SLC18A2: variants seen among roughly 807,000 people sequenced by gnomAD.
SLC18A2 encodes synaptic vesicular amine transporter.
A neutral mutation model predicts 59.2 loss-of-function variants in SLC18A2; 33 were observed. That is an observed-to-expected ratio of 0.56 (90% CI 0.42 to 0.75). The LOEUF (loss-of-function observed/expected upper bound fraction) is 0.75. Among genes scored for constraint, SLC18A2 ranks in the 30% least tolerant of loss-of-function variants. The probability of loss-of-function intolerance (pLI) is 0.00; values close to 1 mark genes in which losing one functional copy is unlikely to be tolerated. For synonymous variants in SLC18A2, 228 were observed against 253.5 expected (o/e 0.90, Z 0.95); for missense variants, 569 against 668.6 (o/e 0.85, Z 1.64).
At chr10:117,248,009 G>C (rs1164753070) in intron 3 of SLC18A2, among the ~76,000 whole-genome samples, 1 of 152,032 alleles carries the variant, frequency 6.6e-6, no homozygotes, top group Non-Finnish European at 1.5e-5. Flanking sequence ...TTGCTCTATT[G>C]CCCAGGCTGG....
At chr10:117,249,043 A>T (rs1160554730) in intron 3 of SLC18A2, among the ~76,000 whole-genome samples, 1 of 152,218 alleles carries the variant, frequency 6.6e-6, no homozygotes, top group Admixed American at 6.5e-5. Context: ...TGAAATCTCT[A>T]CGAAATCTAC....
intron 2 of SLC18A2, 110 bp downstream of exon 2, chr10:117,241,924 T>C (rs1844060356): frequency 8.7e-7 from 1 of 1,144,482 alleles, no homozygotes; most frequent in Non-Finnish European, 1.2e-6. Context: ...CCCGGGAAAG[T>C]TGGAGAACTC....
At chr10:117,275,564 T>C (rs1254118325) in intron 15 of SLC18A2, among the ~76,000 whole-genome samples, 2 of 152,210 alleles carry the variant, frequency 1.3e-5, no homozygotes, top group African/African-American at 4.8e-5. Context: ...CTCATCTAAC[T>C]ACCACGGAGT....
intron 3 of SLC18A2, among the ~76,000 whole-genome samples, chr10:117,247,080 T>G (rs1844117519): frequency 6.6e-6 from 1 of 152,230 alleles, no homozygotes; most frequent in Non-Finnish European, 1.5e-5. Context: ...CCCACCGCAG[T>G]TCAGATGGAT....
intron 12 of SLC18A2, 37 bp downstream of exon 12, chr10:117,267,072 CTG>C: frequency 1.3e-6 from 2 of 1,527,798 alleles, no homozygotes; most frequent in Non-Finnish European, 1.8e-6. Flanking sequence ...TGGGAACAAT[CTG>C]TGAATAAAAC....
Position 117,269,923 on chromosome 10 carries a change from A to T in SLC18A2, c.1187-148A>T. On this transcript the variant is annotated intron_variant, in intron 13 of 15. Transcript: ENST00000644641. This position sits in a 1 kb window ranked among gnomAD's most constrained non-coding sequence, Gnocchi z 5.1. ...GGCTTCCTTCATTCTTTCTACTCAA[A>T]GATTAGTATCACCCCAAGACTTGCA... The T allele has an allele frequency of 1.1e-6, 1 of 902,794 alleles. No homozygotes were observed. Among genetic ancestry groups the T allele is most frequent in the Non-Finnish European group, 1.7e-6 (1 of 604,012 alleles). 55.9% of individuals were successfully genotyped at this position (902,794 alleles called of 1,614,324 possible). A position where few individuals can be genotyped will look rare whatever the true frequency, so the allele number is the denominator to read the frequency against.
rs560089415 is a variant in SLC18A2 at position 117,258,106 on chromosome 10, C to T, written c.991+214C>T. Among the ~76,000 whole-genome samples the T allele has an allele frequency of 2.6e-5, 4 of 152,292 alleles. No homozygotes were observed. In the East Asian group the frequency reaches 7.7e-4, roughly 29 times the overall value. Reference sequence around the variant, plus strand: ...GAGGGGTGCAGAACTCACACAGACACATCAGATCTGGGCAGAAATGAGAGT... The same window carrying T: ...GAGGGGTGCAGAACTCACACAGACATATCAGATCTGGGCAGAAATGAGAGT... On this transcript the variant is annotated intron_variant, in intron 10 of 15. Transcript: ENST00000644641.
At position 117,259,321 on chromosome 10, in the gene SLC18A2, A is replaced by G. The variant is rs957561398; in HGVS notation, c.991+1429A>G. On this transcript the variant is annotated intron_variant, in intron 10 of 15. Transcript: ENST00000644641. Reference sequence around the variant, plus strand: ...TCTGGCAAAGATGAAAAATTCTCCAATTGCAGTCAAGTGTTGGCAAACCTG... The same window carrying G: ...TCTGGCAAAGATGAAAAATTCTCCAGTTGCAGTCAAGTGTTGGCAAACCTG... 9.8e-5 allele frequency among the ~76,000 whole-genome samples: 15 copies of G among 152,344 alleles called. No homozygotes were observed. The Middle Eastern group carries it at 0.01, about 104-fold the overall frequency.
At chr10:117,255,433 C>T (rs780161253) in intron 7 of SLC18A2, 46 bp from the exon 8 acceptor site, 1 of 1,614,190 alleles carries the variant, frequency 6.2e-7, no homozygotes, top group Non-Finnish European at 8.5e-7. Context: ...TTGGGCCACA[C>T]CTGCTTTCTG....
chr10:117,272,685 T>C (rs1844440692), intron 15 of SLC18A2, among the ~76,000 whole-genome samples: 1 of 152,194 alleles, frequency 6.6e-6, no homozygotes, highest in East Asian at 1.9e-4. Flanking sequence ...AATAAGCACC[T>C]AGCAAGATAA....
At chr10:117,254,248 A>G in intron 5 of SLC18A2, 117 bp downstream of exon 5, 1 of 1,195,666 alleles carries the variant, frequency 8.4e-7, no homozygotes, top group Admixed American at 1.9e-5. Flanking sequence ...TGGAGAAGGC[A>G]CCCACTTTCC....
chr10:117,241,623 G>C, intron 1 of SLC18A2, 56 bp from the exon 2 acceptor site: 2 of 1,476,940 alleles, frequency 1.4e-6, no homozygotes, highest in South Asian at 1.3e-5. Flanking sequence ...CCTGGGGGAC[G>C]GGAGAATGGG....
chr10:117,247,048 T>G (rs1844117196), intron 3 of SLC18A2, among the ~76,000 whole-genome samples: 1 of 152,248 alleles, frequency 6.6e-6, no homozygotes, highest in Non-Finnish European at 1.5e-5. Flanking sequence ...GCAGCTCTTC[T>G]GGACACTCCA....
At chr10:117,246,392 G>A (rs1434879794) in intron 3 of SLC18A2, among the ~76,000 whole-genome samples, 1 of 152,168 alleles carries the variant, frequency 6.6e-6, no homozygotes. Flanking sequence ...GAAGAGGCTT[G>A]TTTAAAACCA....
chr10:117,256,562 C>T (rs924119109), intron 9 of SLC18A2, among the ~76,000 whole-genome samples: 1 of 152,200 alleles, frequency 6.6e-6, no homozygotes, highest in Non-Finnish European at 1.5e-5. Context: ...TAAGTTCAGC[C>T]TTTGTCAACC....
At chr10:117,253,177 A>G (rs1217577402) in intron 3 of SLC18A2, among the ~76,000 whole-genome samples, 4 of 152,214 alleles carry the variant, frequency 2.6e-5, no homozygotes, top group Non-Finnish European at 5.9e-5. Context: ...CATTTATTCC[A>G]AACAAATTTC....
At chr10:117,266,845 AC>A (rs1373179098) in intron 11 of SLC18A2, 34 bp downstream of exon 11, 4 of 1,582,780 alleles carry the variant, frequency 2.5e-6, no homozygotes, top group Non-Finnish European at 2.6e-6. Context: ...TCATTCTGTT[AC>A]AATAATGTAG....
intron 10 of SLC18A2, among the ~76,000 whole-genome samples, chr10:117,263,261 A>G (rs1486878523): frequency 6.6e-6 from 1 of 152,124 alleles, no homozygotes; most frequent in African/African-American, 2.4e-5. Context: ...ACTGTGAGTG[A>G]AGCAGTGCGG....
intron 9 of SLC18A2, among the ~76,000 whole-genome samples, chr10:117,256,915 C>T (rs911517501): frequency 6.6e-6 from 1 of 152,196 alleles, no homozygotes; most frequent in Non-Finnish European, 1.5e-5. Flanking sequence ...TACCTGCTCA[C>T]AGGAGACACA....
Sources: allele counts gnomAD v4.1 joint callset (sites outside exome capture counted in the v4.1 genomes callset), GRCh38; gene constraint gnomAD v4.1.1; non-coding constraint Gnocchi (gnomAD v3.1); transcripts MANE v1.5; gene names NCBI Gene and HGNC (gene_info 2026-07-23, HGNC 2026-07-21).